SEMA3A: variants seen among roughly 807,000 people sequenced by gnomAD.
The protein encoded by SEMA3A is semaphorin 3A.
SEMA3A carries 29 observed loss-of-function variants against 97.9 expected under a neutral mutation model. The observed-to-expected ratio is 0.30, with a 90% CI of 0.22 to 0.40. The LOEUF (loss-of-function observed/expected upper bound fraction) is 0.40. Among genes scored for constraint, SEMA3A ranks in the 10% least tolerant of loss-of-function variants. The pLI is 1.00. For missense variants in SEMA3A, 763 were observed against 951.3 expected (o/e 0.80, Z 2.60); for synonymous variants, 321 against 323.7 (o/e 0.99, Z 0.09).
chr7:84,327,755 G>A (rs1562905155), intron 2 of SEMA3A, among the ~76,000 whole-genome samples: 1 of 151,892 alleles, frequency 6.6e-6, no homozygotes, highest in Non-Finnish European at 1.5e-5. Context: ...CAAGTAATGT[G>A]GCATTTCATC....
intron 2 of SEMA3A, among the ~76,000 whole-genome samples, chr7:84,129,450 G>A (rs1210347100): frequency 3.3e-5 from 5 of 152,202 alleles, no homozygotes; most frequent in African/African-American, 1.2e-4. Flanking sequence ...GATCTAAGCA[G>A]TGTAGTATGG....
At chr7:84,247,812 T>C (rs1799511782) in intron 3 of SEMA3A, among the ~76,000 whole-genome samples, 2 of 152,136 alleles carry the variant, frequency 1.3e-5, no homozygotes, top group Non-Finnish European at 2.9e-5. Flanking sequence ...GCCCTGAAAG[T>C]ATGAGTCTTA....
rs531707422 is a variant in SEMA3A at position 84,058,014 on chromosome 7, T to C, written c.547+2451A>G. On this transcript the variant is annotated intron_variant, in intron 5 of 16. Coordinates refer to ENST00000265362, the MANE Select transcript of SEMA3A (RefSeq NM_006080.3). ...TCATATTAAACCTTGCTAGTTTTTG[T>C]AAACTAAAAATTTTAAGCTGTCATC... is the stretch of plus-strand genomic sequence containing the variant. Among the ~76,000 whole-genome samples the C allele has an allele frequency of 6.6e-5, 10 of 152,282 alleles. No homozygotes were observed. The South Asian group carries it at 2.1e-3, about 32-fold the overall frequency.
At chr7:84,087,839 G>T (rs902837587) in intron 4 of SEMA3A, among the ~76,000 whole-genome samples, 3 of 151,912 alleles carry the variant, frequency 2.0e-5, no homozygotes, top group African/African-American at 7.3e-5. Flanking sequence ...TTTTACTATT[G>T]TTGGCCTTCC....
At chr7:84,229,591 T>G (rs17158745) in intron 3 of SEMA3A, among the ~76,000 whole-genome samples, 2,647 of 152,212 alleles carry the variant, frequency 0.017, 76 homozygotes, top group African/African-American at 0.061. Context: ...AGTTTTTCAG[T>G]GTCTTCAAGT....
intron 3 of SEMA3A, among the ~76,000 whole-genome samples, chr7:84,212,486 T>A (rs1376575880): frequency 1.3e-5 from 2 of 152,064 alleles, no homozygotes; most frequent in Non-Finnish European, 2.9e-5. Flanking sequence ...TGCCCTTAGC[T>A]TTGTTTTAGG....
chr7:84,367,458 G>GA lies in SEMA3A; in HGVS notation c.-169+4365dup, dbSNP rs753107263. Among the ~76,000 whole-genome samples the GA allele has an allele frequency of 6.6e-5, 10 of 150,820 alleles. 2 individuals are homozygous for GA. Among genetic ancestry groups the GA allele is most frequent in the Admixed American group, 6.7e-5 (1 of 15,020 alleles). On this transcript the variant is annotated intron_variant, in intron 2 of 3. Coordinates refer to the SEMA3A transcript ENST00000424555. Reference sequence around the variant, plus strand: ...GCATAATTAAAATACCGCTTCTTAAGAAAAAAATCGCCAAACAATAGTTTT... The same window carrying GA: ...GCATAATTAAAATACCGCTTCTTAAGAAAAAAAATCGCCAAACAATAGTTTT...
chr7:84,343,142 A>C (rs148529367), intron 2 of SEMA3A, among the ~76,000 whole-genome samples: 188 of 152,348 alleles, frequency 1.2e-3, no homozygotes, highest in African/African-American at 4.4e-3. Context: ...TAAATTTTGC[A>C]TGAATGAATA....
At position 84,194,541 on chromosome 7, in the gene SEMA3A, G is replaced by C. The variant is rs1283799905; in HGVS notation, c.46C>G (p.Leu16Val). The change falls in exon 1 of 17, where the codon CTT (leucine) becomes GTT (valine). Residue 16 changes from leucine to valine, a missense_variant. Around this residue, in one of 2 missense-constraint regions of SEMA3A, gnomAD observed 85 missense variants for 70.0 expected, o/e 1.21. Transcript: ENST00000265362. ...TTCTGATAGTTTGCTCTTGCTGTAA[G>C]TAATACTCCCCAGAAAAGACAGACA... is the stretch of plus-strand genomic sequence containing the variant. ...RIVCLFWGVLLTARANYQNGK... is the reference protein window; with the variant it reads ...RIVCLFWGVLVTARANYQNGK... 1 of 1,613,280 alleles carries C rather than the reference G, an allele frequency of 6.2e-7. No homozygotes were observed. The highest frequency in any genetic ancestry group is 1.3e-5 in the African/African-American group (1 of 74,862).
chr7:84,246,566 A>G (rs1369972060), intron 3 of SEMA3A, among the ~76,000 whole-genome samples: 3 of 152,174 alleles, frequency 2.0e-5, no homozygotes, highest in African/African-American at 7.2e-5. Flanking sequence ...TAAAATATAC[A>G]TGTATATTAT....
chr7:84,192,142 G>T (rs1798064066), intron 1 of SEMA3A, among the ~76,000 whole-genome samples: 1 of 151,870 alleles, frequency 6.6e-6, no homozygotes, highest in African/African-American at 2.4e-5. Context: ...CATGAATCAT[G>T]CTGGAATATT....
intron 15 of SEMA3A, among the ~76,000 whole-genome samples, chr7:83,968,908 TCAAA>T (rs1326690189): frequency 6.7e-6 from 1 of 149,184 alleles, no homozygotes; most frequent in Non-Finnish European, 1.5e-5. Flanking sequence ...CCTCCCAGGT[TCAAA>T]CAATTCTCCT....
At chr7:83,976,427 G>A (rs1230532192) in intron 15 of SEMA3A, among the ~76,000 whole-genome samples, 1 of 152,098 alleles carries the variant, frequency 6.6e-6, no homozygotes, top group Non-Finnish European at 1.5e-5. Context: ...TCCCCCAGCA[G>A]AGGGAAGCAT....
At chr7:84,434,703 A>C (rs2116326600) in intron 1 of SEMA3A, among the ~76,000 whole-genome samples, 1 of 152,338 alleles carries the variant, frequency 6.6e-6, no homozygotes, top group East Asian at 1.9e-4. Flanking sequence ...AGGTTGATTC[A>C]AATTACTCAA....
At chr7:84,084,372 C>T (rs568277336) in intron 4 of SEMA3A, among the ~76,000 whole-genome samples, 19 of 151,528 alleles carry the variant, frequency 1.3e-4, no homozygotes, top group South Asian at 1.2e-3. Flanking sequence ...AAAATAATTA[C>T]GAAATATAGC....
chr7:84,107,380 CAT>C (rs989354875), intron 4 of SEMA3A, among the ~76,000 whole-genome samples: 1 of 152,190 alleles, frequency 6.6e-6, no homozygotes, highest in African/African-American at 2.4e-5. Context: ...TCCAGAATTT[CAT>C]AGATTGACTG....
intron 11 of SEMA3A, among the ~76,000 whole-genome samples, chr7:84,002,532 G>C (rs1015515529): frequency 2.6e-5 from 4 of 152,074 alleles, no homozygotes; most frequent in Admixed American, 1.3e-4. Flanking sequence ...AAAATGCAAG[G>C]AATGTTGTCA....
At chr7:84,099,440 T>C (rs1355349834) in intron 4 of SEMA3A, among the ~76,000 whole-genome samples, 2 of 152,162 alleles carry the variant, frequency 1.3e-5, no homozygotes, top group African/African-American at 4.8e-5. Context: ...TAGCATTTTC[T>C]TTATTTACGA....
At chr7:84,135,480 G>A (rs1796098570) in intron 1 of SEMA3A, among the ~76,000 whole-genome samples, 1 of 152,282 alleles carries the variant, frequency 6.6e-6, no homozygotes, top group African/African-American at 2.4e-5. Flanking sequence ...CAGTCCTAAA[G>A]AAGAGAGGAA....
Sources: gnomAD v4.1 joint callset for allele counts (sites outside exome capture counted in the v4.1 genomes callset) on GRCh38, gnomAD v4.1.1 for gene constraint, gnomAD v4.1.1 regional missense constraint, MANE v1.5 for transcripts, NCBI Gene and HGNC (gene_info 2026-07-23, HGNC 2026-07-21) for gene names.